NMUR2: variants seen among roughly 807,000 people sequenced by gnomAD.
NMUR2 encodes neuromedin-U receptor 2.
Under a neutral mutation model 25.1 loss-of-function variants are expected in NMUR2, and 24 were observed. That is an observed-to-expected ratio of 0.96 (90% CI 0.69 to 1.34). The LOEUF (loss-of-function observed/expected upper bound fraction) is 1.34, where lower values mean the gene tolerates loss of function less well. Among genes scored for constraint, NMUR2 ranks in the 40% most tolerant of loss-of-function variants. The probability of loss-of-function intolerance (pLI) is 0.00; values close to 1 mark genes in which losing one functional copy is unlikely to be tolerated. For missense variants in NMUR2, 533 were observed against 512.8 expected (o/e 1.04, Z -0.38); for synonymous variants, 218 against 208.1 (o/e 1.05, Z -0.41).
chr5:152,397,867 C>T (rs928298854), intron 2 of NMUR2, among the ~76,000 whole-genome samples, 193 bp downstream of exon 2: 3 of 152,126 alleles, frequency 2.0e-5, no homozygotes, highest in East Asian at 1.9e-4. Flanking sequence ...GGTCACCTAG[C>T]GTTGACATAG....
At chr5:152,395,723 T>A in intron 2 of NMUR2, 139 bp from the exon 3 acceptor site, 1 of 821,834 alleles carries the variant, frequency 1.2e-6, no homozygotes, top group Non-Finnish European at 1.8e-6. Context: ...AGAGGCAAAC[T>A]AGATCCCAAA....
In NMUR2 at chr5:152,404,178, G is replaced by A. The variant is rs1011820699; in HGVS notation, c.726+210C>T. Among the ~76,000 whole-genome samples, 38 of 152,280 alleles carry A rather than the reference G, an allele frequency of 2.5e-4. 1 individual carries two copies. Among genetic ancestry groups the A allele is most frequent in the African/African-American group, 8.9e-4 (37 of 41,558 alleles). On this transcript the variant is annotated intron_variant, in intron 1 of 3. Transcript: ENST00000255262. Reference sequence around the variant, plus strand: ...AATAGAGGGAAGAAAAATAGAAGACGAGCTAAAGGAAATGATAAATAGTTG... The same window carrying A: ...AATAGAGGGAAGAAAAATAGAAGACAAGCTAAAGGAAATGATAAATAGTTG...
chr5:152,395,305 A>G (rs942404777), intron 3 of NMUR2, among the ~76,000 whole-genome samples, 154 bp downstream of exon 3: 5 of 152,150 alleles, frequency 3.3e-5, no homozygotes, highest in Admixed American at 6.5e-5. Flanking sequence ...TATCAAACAT[A>G]ATCAATCTCT....
chr5:152,398,636 T>A (rs947436977), intron 1 of NMUR2, among the ~76,000 whole-genome samples: 3 of 152,152 alleles, frequency 2.0e-5, no homozygotes, highest in Admixed American at 1.3e-4. Context: ...ATGGGCATTA[T>A]GAATTTTCAA....
chr5:152,402,321 GAC>G (rs1435354690), intron 1 of NMUR2, among the ~76,000 whole-genome samples: 1 of 152,158 alleles, frequency 6.6e-6, no homozygotes, highest in African/African-American at 2.4e-5. Context: ...TGCGATCAGT[GAC>G]ACAGAATAGG....
At position 152,392,986 on chromosome 5, in the gene NMUR2, G is replaced by A. The variant is rs149088549; in HGVS notation, c.938-485C>T. Among the ~76,000 whole-genome samples the A allele has an allele frequency of 3.5e-3, 539 of 152,242 alleles. 2 individuals are homozygous for A. The highest frequency in any genetic ancestry group is 4.2e-3 in the Non-Finnish European group (283 of 68,016). ...CGGCTTCAAAGAAATATTCCCTAGC[G>A]TGCTGTTCCTACCTACCCTTTTCCC... On this transcript the variant is annotated intron_variant, in intron 3 of 3. Coordinates refer to ENST00000255262, the MANE Select transcript of NMUR2 (RefSeq NM_020167.5).
At chr5:152,396,225 C>CACT (rs1299813416) in intron 2 of NMUR2, among the ~76,000 whole-genome samples, 7 of 101,860 alleles carry the variant, frequency 6.9e-5, no homozygotes, top group African/African-American at 1.7e-4. Context: ...CACACACACA[C>CACT]TTTTTTTTTT....
At position 152,398,054 on chromosome 5, in the gene NMUR2, A is replaced by G. The variant is rs1753191290; in HGVS notation, c.811+6T>C. 3 of 1,607,690 alleles carry G rather than the reference A, an allele frequency of 1.9e-6. No homozygotes were observed. The highest frequency in any genetic ancestry group is 1.7e-5 in the Admixed American group (1 of 59,882). On this transcript the variant is annotated splice_donor_region_variant and intron_variant, in intron 2 of 3. Transcript: ENST00000255262. Reference sequence around the variant, plus strand: ...AACAAAACAAAAAACAAAATGGGGCACTTACACAGCATCTTGTTGACTGAT... The same window carrying G: ...AACAAAACAAAAAACAAAATGGGGCGCTTACACAGCATCTTGTTGACTGAT...
chr5:152,398,054 A>C lies in NMUR2; in HGVS notation c.811+6T>G. 6.2e-7 allele frequency: 1 copy of C among 1,607,690 alleles called. No homozygotes were observed. The highest frequency in any genetic ancestry group is 2.2e-5 in the East Asian group (1 of 44,798). On this transcript the variant is annotated splice_donor_region_variant and intron_variant, in intron 2 of 3. Transcript: ENST00000255262. Reference sequence around the variant, plus strand: ...AACAAAACAAAAAACAAAATGGGGCACTTACACAGCATCTTGTTGACTGAT... The same window carrying C: ...AACAAAACAAAAAACAAAATGGGGCCCTTACACAGCATCTTGTTGACTGAT...
At position 152,398,374 on chromosome 5, in the gene NMUR2, C is replaced by T. The variant is rs76806759; in HGVS notation, c.727-230G>A. Among the ~76,000 whole-genome samples the T allele has an allele frequency of 5.2e-4, 79 of 152,184 alleles. No individual in the cohort carries two copies. In the East Asian group the frequency reaches 0.014, roughly 27 times the overall value. ...GCCAAGTAATAGTGCAACCACTTTTCGTATACAGTTATGTGGAAACTTGGC... is the reference window on the plus strand; with the variant it reads ...GCCAAGTAATAGTGCAACCACTTTTTGTATACAGTTATGTGGAAACTTGGC... On this transcript the variant is annotated intron_variant, in intron 1 of 3. Transcript: ENST00000255262.
At chr5:152,392,675 C>T (rs956434672) in intron 3 of NMUR2, among the ~76,000 whole-genome samples, 174 bp from the exon 4 acceptor site, 2 of 152,172 alleles carry the variant, frequency 1.3e-5, no homozygotes, top group Non-Finnish European at 2.9e-5. Flanking sequence ...AGATCTTCCA[C>T]CTGTGCACTT....
intron 1 of NMUR2, 85 bp downstream of exon 1, chr5:152,404,303 C>T (rs1380645074): frequency 6.8e-7 from 1 of 1,464,390 alleles, no homozygotes; most frequent in Non-Finnish European, 9.2e-7. Flanking sequence ...TTCTGAATTT[C>T]CCCAATTCTA....
In NMUR2 at chr5:152,404,775, C is replaced by A. The variant is rs1753325370; in HGVS notation, c.339G>T (p.Leu113Phe). Reference protein sequence around the residue: ...VYEMWRNYPFLFGPVGCYFKT... With the variant: ...VYEMWRNYPFFFGPVGCYFKT... The stretch of plus-strand genomic sequence containing the variant: ...TGAAGTAGCAGCCCACGGGCCCGAA[C>A]AAGAAAGGGTAGTTGCGCCACATCT... The change falls in exon 1 of 4, where the codon TTG becomes TTT. Residue 113 changes from leucine to phenylalanine, a missense_variant. Physicochemically the swap from Leu to Phe is conservative, Grantham distance 22 (BLOSUM62 0). Coordinates refer to ENST00000255262, the MANE Select transcript of NMUR2 (RefSeq NM_020167.5). 25 of 1,614,022 alleles carry A rather than the reference C, an allele frequency of 1.5e-5. No individual in the cohort carries two copies. Among genetic ancestry groups the A allele is most frequent in the Non-Finnish European group, 2.1e-5 (25 of 1,180,042 alleles).
intron 3 of NMUR2, 103 bp downstream of exon 3, chr5:152,395,356 G>T: frequency 7.6e-7 from 1 of 1,307,900 alleles, no homozygotes; most frequent in South Asian, 1.3e-5. Flanking sequence ...TAGCATGGCA[G>T]ATCCCCGTGA....
rs200288600 is a variant in NMUR2 at position 152,404,417 on chromosome 5, T to C, written c.697A>G (p.Ser233Gly). Residue 233 changes from serine (S) to glycine (G), a missense_variant, in exon 1 of 4, where the codon AGT becomes GGT. By Grantham distance (56) the Ser-to-Gly change is moderately conservative. Transcript: ENST00000255262. Reference sequence around the variant, plus strand: ...AGTGCCATGAGGTAGTAGAGGACACTGATGACAGTCATGGGGAGGAGGTAG... The same window carrying C: ...AGTGCCATGAGGTAGTAGAGGACACCGATGACAGTCATGGGGAGGAGGTAG... ...LFYLLPMTVISVLYYLMALRL... is the reference protein window; with the variant it reads ...LFYLLPMTVIGVLYYLMALRL... 1 of 1,613,914 alleles carries C rather than the reference T, an allele frequency of 6.2e-7. No individual in the cohort carries two copies. The highest frequency in any genetic ancestry group is 2.2e-5 in the East Asian group (1 of 44,872).
chr5:152,396,849 A>C (rs1580887732), intron 2 of NMUR2, among the ~76,000 whole-genome samples: 2 of 152,066 alleles, frequency 1.3e-5, no homozygotes, highest in South Asian at 4.1e-4. Context: ...CCGAGATGCC[A>C]CTGCACTCCA....
At chr5:152,403,380 C>A (rs576221453) in intron 1 of NMUR2, among the ~76,000 whole-genome samples, 161 of 152,214 alleles carry the variant, frequency 1.1e-3, no homozygotes, top group Non-Finnish European at 1.8e-3. Context: ...TTGTGAAGAA[C>A]TTTTCTCTTC....
At chr5:152,394,864 T>C (rs1461720600) in intron 3 of NMUR2, among the ~76,000 whole-genome samples, 1 of 63,498 alleles carries the variant, frequency 1.6e-5, no homozygotes, top group Non-Finnish European at 3.3e-5. Flanking sequence ...TTTTTTTTTT[T>C]GCCATTTTAC....
chr5:152,394,877 T>C (rs1206918979), intron 3 of NMUR2, among the ~76,000 whole-genome samples: 2 of 147,794 alleles, frequency 1.4e-5, no homozygotes, highest in Non-Finnish European at 3.0e-5. Context: ...CATTTTACAG[T>C]TGAGGAAACT....
Sources: gnomAD v4.1 joint callset for allele counts (sites outside exome capture counted in the v4.1 genomes callset) on GRCh38, gnomAD v4.1.1 for gene constraint, MANE v1.5 for transcripts, NCBI Gene and HGNC (gene_info 2026-07-23, HGNC 2026-07-21) for gene names.